Variants in TANK observed in about 807,000 individuals in gnomAD.
TANK encodes TRAF family member-associated NF-kappa-B activator.
Under a neutral mutation model 43.6 loss-of-function variants are expected in TANK, and 15 were observed. The observed-to-expected ratio is 0.34, with a 90% CI of 0.23 to 0.53. The LOEUF is 0.53. Ranked by LOEUF, TANK falls within the 20% of genes least tolerant of loss-of-function variation. The pLI is 0.94. For missense variants in TANK, 417 were observed against 498.6 expected (o/e 0.84, Z 1.56); for synonymous variants, 162 against 178.2 (o/e 0.91, Z 0.73).
chr2:161,234,742 A>G (rs894826282), intron 7 of TANK, among the ~76,000 whole-genome samples: 13 of 152,222 alleles, frequency 8.5e-5, no homozygotes, highest in Admixed American at 4.6e-4. Context: ...ATTTTGTTGA[A>G]TGATTAAATA....
intron 2 of TANK, among the ~76,000 whole-genome samples, chr2:161,197,837 T>C (rs1266083696): frequency 1.3e-5 from 2 of 152,166 alleles, no homozygotes; most frequent in African/African-American, 2.4e-5. Flanking sequence ...ACAATGGGGA[T>C]TAAGTTTCAA....
At chr2:161,195,475 G>C (rs1686104699) in intron 2 of TANK, among the ~76,000 whole-genome samples, 1 of 152,136 alleles carries the variant, frequency 6.6e-6, no homozygotes, top group Admixed American at 6.5e-5. Context: ...TAAGTTCAAG[G>C]ACCTGCATTG....
At chr2:161,156,145 C>T, upstream of TANK, 6 of 985,364 alleles carry the variant, frequency 6.1e-6, no homozygotes, top group Non-Finnish European at 7.2e-6. Context: ...ATTTCTTCTT[C>T]AGGAAGAAGT....
intron 4 of TANK, chr2:161,223,549 T>A (rs1326958374): frequency 6.4e-6 from 1 of 157,070 alleles, no homozygotes; most frequent in Non-Finnish European, 1.4e-5. Flanking sequence ...TCAAAAGAAG[T>A]AGACACATAG....
intron 1 of TANK, among the ~76,000 whole-genome samples, chr2:161,139,369 T>C (rs1683677802): frequency 6.6e-6 from 1 of 152,210 alleles, no homozygotes; most frequent in Admixed American, 6.5e-5. Context: ...ACTAGAGGCT[T>C]ATTTAAATAA....
chr2:161,138,410 A>G (rs905154207), intron 1 of TANK, among the ~76,000 whole-genome samples: 12 of 152,310 alleles, frequency 7.9e-5, no homozygotes, highest in Admixed American at 6.5e-4. Context: ...TGTTAAAATA[A>G]TATTTGAGAG....
At chr2:161,142,563 A>G (rs895021746) in intron 1 of TANK, among the ~76,000 whole-genome samples, 1 of 152,102 alleles carries the variant, frequency 6.6e-6, no homozygotes, top group Non-Finnish European at 1.5e-5. Flanking sequence ...TCCCGACACC[A>G]TTTATTAAAT....
Position 161,179,657 on chromosome 2 carries a change from A to G in TANK, c.-6A>G. 4 of 1,613,110 alleles carry G rather than the reference A, an allele frequency of 2.5e-6. No homozygotes were observed. Among genetic ancestry groups the G allele is most frequent in the Non-Finnish European group, 3.4e-6 (4 of 1,179,484 alleles). ...CCTTTATAGTGATGCTACAGGACGAAGAGGAATGGATAAAAACATTGGCGA... is the reference window on the plus strand; with the variant it reads ...CCTTTATAGTGATGCTACAGGACGAGGAGGAATGGATAAAAACATTGGCGA... On this transcript the variant is annotated 5_prime_UTR_variant, in exon 2 of 8. Transcript: ENST00000392749.
intron 1 of TANK, among the ~76,000 whole-genome samples, chr2:161,172,187 T>C (rs1684969553): frequency 6.6e-6 from 1 of 152,172 alleles, no homozygotes; most frequent in Non-Finnish European, 1.5e-5. Flanking sequence ...TTTTATGCAT[T>C]TCCTAGTTTT....
At chr2:161,168,463 G>A (rs1192667370) in intron 1 of TANK, among the ~76,000 whole-genome samples, 1 of 152,110 alleles carries the variant, frequency 6.6e-6, no homozygotes, top group Non-Finnish European at 1.5e-5. Context: ...TATAGTCCAT[G>A]GCCAAGTATG....
chr2:161,164,124 C>T (rs919459616), intron 1 of TANK, among the ~76,000 whole-genome samples: 1 of 151,944 alleles, frequency 6.6e-6, no homozygotes, highest in Non-Finnish European at 1.5e-5. Context: ...GGGGAGTTGC[C>T]CTATGATGAA....
chr2:161,169,554 G>T (rs776076774), intron 1 of TANK, among the ~76,000 whole-genome samples: 12 of 152,154 alleles, frequency 7.9e-5, no homozygotes, highest in Non-Finnish European at 1.6e-4. Flanking sequence ...AGTAGTGGCA[G>T]TATTACATGT....
At chr2:161,141,213 T>C (rs1055264050) in intron 1 of TANK, among the ~76,000 whole-genome samples, 3 of 152,164 alleles carry the variant, frequency 2.0e-5, no homozygotes, top group Admixed American at 6.5e-5. Flanking sequence ...TAAGCAGTTG[T>C]TCTGCATTTC....
rs140805154 is a variant in TANK, at chr2:161,200,613, A to G, written c.100-2874A>G. ...AACGGTATAAGCTTCCCTTTTTAAAAAAAAGAATCTTCAAACATTACCTAT... is the reference window on the plus strand; with the variant it reads ...AACGGTATAAGCTTCCCTTTTTAAAGAAAAGAATCTTCAAACATTACCTAT... On this transcript the variant is annotated intron_variant, in intron 2 of 7. Transcript: ENST00000392749. 5.5e-5 allele frequency: 49 copies of G among 893,466 alleles called. 1 individual carries two copies. The East Asian group carries it at 3.7e-3, about 68-fold the overall frequency. 55.3% of individuals were successfully genotyped at this position (893,466 alleles called of 1,614,324 possible). A position where few individuals can be genotyped will look rare whatever the true frequency, so the allele number is the denominator to read the frequency against.
intron 1 of TANK, chr2:161,163,197 T>TA (rs1287221138): frequency 6.6e-6 from 1 of 152,180 alleles, no homozygotes; most frequent in Non-Finnish European, 1.5e-5. Flanking sequence ...TTAAATAGCC[T>TA]AAGAACTCTG....
intron 2 of TANK, among the ~76,000 whole-genome samples, chr2:161,181,588 C>T (rs1267003412): frequency 2.0e-5 from 3 of 152,074 alleles, no homozygotes; most frequent in Non-Finnish European, 4.4e-5. Context: ...GTACCTTCTT[C>T]AAAGGTGGCA....
At chr2:161,213,098 C>T (rs181566085) in intron 4 of TANK, among the ~76,000 whole-genome samples, 368 of 152,274 alleles carry the variant, frequency 2.4e-3, no homozygotes, top group African/African-American at 8.3e-3. Flanking sequence ...AGAGTAAGAA[C>T]TCACTCACCT....
At chr2:161,200,603 C>T in intron 2 of TANK, 1 of 928,658 alleles carries the variant, frequency 1.1e-6, no homozygotes, top group Non-Finnish European at 1.3e-6. Flanking sequence ...TATAAGCTTC[C>T]CTTTTTAAAA....
At chr2:161,226,390 G>A (rs1332370786) in intron 6 of TANK, among the ~76,000 whole-genome samples, 2 of 152,032 alleles carry the variant, frequency 1.3e-5, no homozygotes, top group Non-Finnish European at 2.9e-5. Flanking sequence ...GTGAAGTTTT[G>A]CTGGGGTCCA....
Sources: allele counts gnomAD v4.1 joint callset (sites outside exome capture counted in the v4.1 genomes callset), GRCh38; gene constraint gnomAD v4.1.1; transcripts MANE v1.5; gene names NCBI Gene and HGNC (gene_info 2026-07-23, HGNC 2026-07-21).